The following SCN1A variants were observed in gnomAD, a reference collection of about 807,000 sequenced individuals.
SCN1A encodes sodium channel protein type 1 subunit alpha.
SCN1A carries 13 observed loss-of-function variants against 193.7 expected under a neutral mutation model. That is an observed-to-expected ratio of 0.07 (90% CI 0.04 to 0.11). The LOEUF (loss-of-function observed/expected upper bound fraction) is 0.11. Ranked by LOEUF, SCN1A falls within the 10% of genes least tolerant of loss-of-function variation. The probability of loss-of-function intolerance (pLI) is 1.00; values close to 1 mark genes in which losing one functional copy is unlikely to be tolerated. For synonymous variants in SCN1A, 781 were observed against 843.6 expected, an observed-to-expected ratio of 0.93 and a Z score of 1.29; for missense variants, 1,432 against 2,451.1, an observed-to-expected ratio of 0.58 and a Z score of 8.78.
chr2:166,012,053 G>C, intron 22 of SCN1A, 56 bp downstream of exon 22: 2 of 1,501,568 alleles, frequency 1.3e-6, no homozygotes, highest in Non-Finnish European at 1.9e-6. Flanking sequence ...TGTAGAATTT[G>C]AATATAAATA....
chr2:166,129,115 G>A (rs1314174481), upstream of SCN1A, among the ~76,000 whole-genome samples: 2 of 151,984 alleles, frequency 1.3e-5, no homozygotes, highest in African/African-American at 4.8e-5. Context: ...ATTACAGGAT[G>A]GTGAGATAAA....
At position 166,038,007 on chromosome 2, in the gene SCN1A, G is replaced by T; in HGVS notation, c.2715C>A (p.Ala905=). ...LVLAIIVFIF[A]VVGMQLFGKS... ...TACCAAAGAGCTGCATGCCGACCAC[G>T]GCAAAAATGAAGACGATGATGGCCA... The change falls in exon 18 of 29, where the codon GCC becomes GCA. Residue 905 remains alanine (A), a synonymous_variant. Coordinates refer to ENST00000674923, the MANE Select transcript of SCN1A (RefSeq NM_001165963.4). The T allele has an allele frequency of 6.2e-7, 1 of 1,614,176 alleles. No individual in the cohort carries two copies. The highest frequency in any genetic ancestry group is 8.5e-7 in the Non-Finnish European group (1 of 1,180,040).
At chr2:165,996,506 A>G (rs893477964) in intron 26 of SCN1A, among the ~76,000 whole-genome samples, 5 of 151,452 alleles carry the variant, frequency 3.3e-5, no homozygotes, top group Non-Finnish European at 3.0e-5. Flanking sequence ...AAATGTAGCA[A>G]AGAGTTAGAG....
In SCN1A at chr2:165,986,860, T is replaced by C. The variant is rs1008113211; in HGVS notation, c.*4385A>G. 2 of 152,060 alleles carry C rather than the reference T, an allele frequency of 1.3e-5. No individual in the cohort carries two copies. The highest frequency in any genetic ancestry group is 2.4e-5 in the African/African-American group (1 of 41,422). The allele number at this position is 152,060 out of a possible 1,614,324, so 9.4% of individuals were successfully genotyped here. ...TTGTTGCATTCACCCCTAAATACTT[T>C]AGCATGCATTTTCAGAGAATAAGAA... On this transcript the variant is annotated 3_prime_UTR_variant, in exon 29 of 29. Coordinates refer to ENST00000674923, the MANE Select transcript of SCN1A (RefSeq NM_001165963.4).
rs753728539 is a variant in SCN1A at position 165,992,250 on chromosome 2, G to C, written c.5025C>G (p.Leu1675=). The change falls in exon 29 of 29, where the codon CTC becomes CTG. Residue 1675 remains leucine, a synonymous_variant. Transcript: ENST00000674923. The surrounding 1 kb of genome is among the most constrained non-coding windows in gnomAD (Gnocchi z 6.5). The stretch of plus-strand genomic sequence containing the variant: ...AGATGAACATGACTAGGAAGAGTAG[G>C]AGGCCGATGTTAAACAACGCAGGAA... ...MSLPALFNIG[L]LLFLVMFIYA... The C allele has an allele frequency of 2.5e-6, 4 of 1,613,824 alleles. No individual in the cohort carries two copies. Among genetic ancestry groups the C allele is most frequent in the Non-Finnish European group, 1.7e-6 (2 of 1,179,892 alleles).
At chr2:166,105,384 T>A (rs116823035) in intron 2 of SCN1A, among the ~76,000 whole-genome samples, 2,224 of 152,298 alleles carry the variant, frequency 0.015, 62 homozygotes, top group African/African-American at 0.049. Flanking sequence ...AACCAACAAT[T>A]TTATGAATTA....
Position 166,036,456 on chromosome 2 carries a change from A to G in SCN1A, c.3021T>C (p.Asn1007=). The part of the protein sequence containing the change: ...ADNLAATDDD[N]EMNNLQIAVD... Reference sequence around the variant, plus strand: ...CAGCAATTTGGAGATTATTCATTTCATTATCATCATCAGTGGCTGCAAGGT... The same window carrying G: ...CAGCAATTTGGAGATTATTCATTTCGTTATCATCATCAGTGGCTGCAAGGT... Residue 1007 remains asparagine, a synonymous_variant, in exon 19 of 29, where the codon AAT becomes AAC. Coordinates refer to ENST00000674923, the MANE Select transcript of SCN1A (RefSeq NM_001165963.4). The G allele has an allele frequency of 6.2e-7, 1 of 1,609,850 alleles. No individual in the cohort carries two copies. Among genetic ancestry groups the G allele is most frequent in the Non-Finnish European group, 8.5e-7 (1 of 1,178,848 alleles).
chr2:166,038,245 C>T, intron 17 of SCN1A, 113 bp from the exon 18 acceptor site: 1 of 862,182 alleles, frequency 1.2e-6, no homozygotes, highest in South Asian at 1.9e-5. Context: ...TCTGATCTGC[C>T]CTAACCGTCT....
At chr2:166,082,520 T>C (rs953725195) in intron 2 of SCN1A, among the ~76,000 whole-genome samples, 3 of 151,978 alleles carry the variant, frequency 2.0e-5, no homozygotes, top group African/African-American at 7.2e-5. Context: ...AAATAAAGCA[T>C]TCTGGCAAAA....
chr2:166,096,072 A>G (rs1284685318), intron 2 of SCN1A, among the ~76,000 whole-genome samples: 1 of 152,206 alleles, frequency 6.6e-6, no homozygotes, highest in Admixed American at 6.5e-5. Context: ...TACATGTCTT[A>G]CAAACATTCA....
At chr2:166,106,504 G>A (rs768234099) in intron 2 of SCN1A, among the ~76,000 whole-genome samples, 4 of 152,064 alleles carry the variant, frequency 2.6e-5, no homozygotes, top group African/African-American at 9.7e-5. Context: ...TGGGCAAGCA[G>A]AAACAATTCT....
rs147883333 is a variant in SCN1A, at chr2:166,084,194, C to A, written c.-141-6393G>T. Among the ~76,000 whole-genome samples, 895 of 151,824 alleles carry A rather than the reference C, an allele frequency of 5.9e-3. 15 individuals carry two copies. The highest frequency in any genetic ancestry group is 0.02 in the African/African-American group (808 of 41,422). ...TTCTCGATGTTCATCTTTTCTCTCC[C>A]AGCTCTCCTTTATTCTCAATTTTCT... On this transcript the variant is annotated intron_variant, in intron 2 of 28. Transcript: ENST00000674923.
At chr2:166,007,040 G>A (rs1691760885) in intron 23 of SCN1A, among the ~76,000 whole-genome samples, 1 of 149,956 alleles carries the variant, frequency 6.7e-6, no homozygotes, top group South Asian at 2.1e-4. Flanking sequence ...ATCCACAGAG[G>A]GTAAATTCAT....
At chr2:166,105,657 G>A (rs987776312) in intron 2 of SCN1A, among the ~76,000 whole-genome samples, 1 of 152,000 alleles carries the variant, frequency 6.6e-6, no homozygotes, top group Non-Finnish European at 1.5e-5. Context: ...TTGAATGAAT[G>A]CCTAATTTTT....
intron 3 of SCN1A, chr2:166,075,180 T>G (rs1684867873): frequency 6.6e-6 from 1 of 152,092 alleles, no homozygotes; most frequent in African/African-American, 2.4e-5. Context: ...ATATATATAG[T>G]TTTTATTTTT....
chr2:166,017,034 T>C (rs1693404585), intron 19 of SCN1A, among the ~76,000 whole-genome samples: 1 of 150,142 alleles, frequency 6.7e-6, no homozygotes, highest in African/African-American at 2.5e-5. Context: ...TTCCTTTCCT[T>C]TTAATTTCTT....
At chr2:166,046,568 T>C (rs1434764461) in intron 12 of SCN1A, among the ~76,000 whole-genome samples, 16 of 152,282 alleles carry the variant, frequency 1.1e-4, no homozygotes, top group South Asian at 4.1e-4. Context: ...TAAAATAGCA[T>C]GAGAGAGTTC....
chr2:166,047,497 T>C, intron 11 of SCN1A, 130 bp downstream of exon 11: 1 of 996,010 alleles, frequency 1.0e-6, no homozygotes, highest in South Asian at 1.3e-5. Flanking sequence ...ATCAATAGGA[T>C]AGAGGAACTC....
chr2:166,037,451 T>C (rs973646963), intron 18 of SCN1A, among the ~76,000 whole-genome samples: 1 of 152,184 alleles, frequency 6.6e-6, no homozygotes, highest in Non-Finnish European at 1.5e-5. Context: ...CCTTTTAGGC[T>C]CATCTCAATA....
Sources: gnomAD v4.1 joint callset for allele counts (sites outside exome capture counted in the v4.1 genomes callset) on GRCh38, gnomAD v4.1.1 for gene constraint, Gnocchi (gnomAD v3.1) non-coding constraint, MANE v1.5 for transcripts, NCBI Gene and HGNC (gene_info 2026-07-23, HGNC 2026-07-21) for gene names.